SNX29: variants seen among roughly 807,000 people sequenced by gnomAD.
SNX29 encodes sorting nexin 29.
A neutral mutation model predicts 102.1 loss-of-function variants in SNX29; 78 were observed. The ratio of observed to expected loss-of-function variants is 0.76; its 90% confidence interval spans 0.64 to 0.92. The LOEUF (loss-of-function observed/expected upper bound fraction) is 0.92, where lower values mean the gene tolerates loss of function less well. Among genes scored for constraint, SNX29 ranks in the 40% least tolerant of loss-of-function variants. The pLI, the probability that SNX29 is intolerant of heterozygous loss-of-function variation, is 0.00. For missense variants in SNX29, 1,280 were observed against 1,061.7 expected, an observed-to-expected ratio of 1.21 and a Z score of -2.86; for synonymous variants, 580 against 414.5, an observed-to-expected ratio of 1.40 and a Z score of -4.85.
In SNX29 at chr16:11,994,767, T is replaced by A. The variant is rs930577071; in HGVS notation, c.8-4530T>A. The stretch of plus-strand genomic sequence containing the variant: ...TTCTTCTGGGCCCTGGCGGAGGTGC[T>A]GTACTCTCCACTGGATTCAAAGGGA... On this transcript the variant is annotated intron_variant, in intron 1 of 20. Coordinates refer to ENST00000566228, the MANE Select transcript of SNX29 (RefSeq NM_032167.5). 4.6e-5 allele frequency among the ~76,000 whole-genome samples: 7 copies of A among 152,184 alleles called. No homozygotes were observed. In the East Asian group the frequency reaches 1.3e-3, roughly 29 times the overall value.
chr16:12,145,623 C>G (rs898779682), intron 13 of SNX29, among the ~76,000 whole-genome samples: 8 of 152,162 alleles, frequency 5.3e-5, no homozygotes. Context: ...ATTTATGGGG[C>G]ATTTTATTCC....
chr16:12,486,168 T>A (rs1037202126), intron 19 of SNX29, among the ~76,000 whole-genome samples: 1 of 152,198 alleles, frequency 6.6e-6, no homozygotes, highest in East Asian at 1.9e-4. Flanking sequence ...TCCTCTGTCT[T>A]CCGTGTTGCC....
At chr16:12,127,990 G>T (rs2141398174) in intron 12 of SNX29, among the ~76,000 whole-genome samples, 1 of 152,160 alleles carries the variant, frequency 6.6e-6, no homozygotes, top group South Asian at 2.1e-4. Context: ...TTACTCACAC[G>T]CTCTTTTACA....
rs544063168 is a variant in SNX29 at position 12,497,893 on chromosome 16, C to G, written c.2178+20034C>G. ...GACCAATCACAGCGACTGTGATTGG[C>G]CAGGTCATTGGTTCATCCCTGGATG... On this transcript the variant is annotated intron_variant, in intron 19 of 20. Transcript: ENST00000566228. Among the ~76,000 whole-genome samples the G allele has an allele frequency of 1.3e-3, 204 of 152,232 alleles. 1 individual carries two copies. Among genetic ancestry groups the G allele is most frequent in the Admixed American group, 2.5e-3 (38 of 15,282 alleles).
At chr16:12,089,942 C>G (rs1189634411) in intron 11 of SNX29, 3 of 264,440 alleles carry the variant, frequency 1.1e-5, no homozygotes. Context: ...CGGCCATACT[C>G]TCAGGCTGCT....
At chr16:12,435,244 G>A (rs1021975812) in intron 18 of SNX29, among the ~76,000 whole-genome samples, 2 of 152,220 alleles carry the variant, frequency 1.3e-5, no homozygotes, top group South Asian at 2.1e-4. Context: ...AGCATCAGCT[G>A]ATAGGACCCA....
chr16:12,438,391 C>G (rs143938261), intron 18 of SNX29, among the ~76,000 whole-genome samples: 4 of 152,120 alleles, frequency 2.6e-5, no homozygotes, highest in African/African-American at 9.7e-5. Context: ...TCTCCTTTCC[C>G]CCTTACCACC....
Position 12,321,400 on chromosome 16 carries a change from C to T in SNX29, c.1783-34763C>T, listed in dbSNP as rs112268485. ...TCTCAGCCTTTCAGAATTTAGCCCC[C>T]ACACTTCCACCTCTGGAATCACAGT... On this transcript the variant is annotated intron_variant, in intron 15 of 20. Coordinates refer to ENST00000566228, the MANE Select transcript of SNX29 (RefSeq NM_032167.5). 5.3e-3 allele frequency among the ~76,000 whole-genome samples: 802 copies of T among 152,328 alleles called. 6 individuals are homozygous for T. The highest frequency in any genetic ancestry group is 0.017 in the African/African-American group (726 of 41,582).
intron 18 of SNX29, among the ~76,000 whole-genome samples, chr16:12,470,037 A>G (rs1379187226): frequency 6.6e-6 from 1 of 152,198 alleles, no homozygotes; most frequent in Admixed American, 6.5e-5. Flanking sequence ...AAATAAATAA[A>G]TAAATCGCAG....
At chr16:12,505,665 A>T (rs1160070801) in intron 19 of SNX29, among the ~76,000 whole-genome samples, 2 of 149,692 alleles carry the variant, frequency 1.3e-5, no homozygotes, top group Non-Finnish European at 3.0e-5. Context: ...GGAATTGAAA[A>T]GTATGAGTCC....
intron 18 of SNX29, among the ~76,000 whole-genome samples, chr16:12,435,588 A>G (rs2085498954): frequency 6.6e-6 from 1 of 152,218 alleles, no homozygotes; most frequent in Non-Finnish European, 1.5e-5. Context: ...TCTAGAAAAC[A>G]CCAGAGGACG....
chr16:12,397,371 T>C (rs902730180), intron 16 of SNX29, among the ~76,000 whole-genome samples: 4 of 152,234 alleles, frequency 2.6e-5, no homozygotes, highest in African/African-American at 9.6e-5. Flanking sequence ...ATTTCCTAGA[T>C]GTGTGACCTT....
At chr16:12,265,620 G>C (rs1407254093) in intron 14 of SNX29, among the ~76,000 whole-genome samples, 2 of 146,586 alleles carry the variant, frequency 1.4e-5, no homozygotes, top group Non-Finnish European at 3.0e-5. Context: ...TAGCACACTG[G>C]GAGGCTGAGG....
chr16:12,392,168 G>A (rs1284314285), intron 16 of SNX29, among the ~76,000 whole-genome samples: 2 of 152,164 alleles, frequency 1.3e-5, no homozygotes, highest in Non-Finnish European at 2.9e-5. Flanking sequence ...TTATATCTTA[G>A]AGATCTCCTC....
At chr16:12,426,872 A>C (rs907028406) in intron 18 of SNX29, among the ~76,000 whole-genome samples, 3 of 151,944 alleles carry the variant, frequency 2.0e-5, no homozygotes, top group Non-Finnish European at 4.4e-5. Flanking sequence ...TGCCATGTTG[A>C]CCAGGCTGGT....
chr16:12,544,102 A>G (rs1293407407), intron 20 of SNX29, among the ~76,000 whole-genome samples: 1 of 152,208 alleles, frequency 6.6e-6, no homozygotes. Flanking sequence ...TTGGTTGTGG[A>G]AGGCTGTTAA....
chr16:12,291,985 C>T (rs763263898), intron 15 of SNX29, among the ~76,000 whole-genome samples: 25 of 152,184 alleles, frequency 1.6e-4, no homozygotes, highest in Non-Finnish European at 3.4e-4. Context: ...CGTCATAAAA[C>T]AGTAATTTTT....
intron 20 of SNX29, among the ~76,000 whole-genome samples, chr16:12,561,698 A>C (rs80289760): frequency 2.0e-5 from 3 of 151,784 alleles, no homozygotes; most frequent in African/African-American, 7.3e-5. Context: ...CTTTTCCCCA[A>C]CTCCCCAGTG....
chr16:12,270,406 C>T (rs953383764), intron 14 of SNX29, among the ~76,000 whole-genome samples: 4 of 152,178 alleles, frequency 2.6e-5, no homozygotes, highest in Non-Finnish European at 5.9e-5. Context: ...TTTAATTGTG[C>T]TGCCTTCCTT....
Sources: allele counts gnomAD v4.1 joint callset (sites outside exome capture counted in the v4.1 genomes callset), GRCh38; gene constraint gnomAD v4.1.1; transcripts MANE v1.5; gene names NCBI Gene and HGNC (gene_info 2026-07-23, HGNC 2026-07-21).